Variants in VWA3A observed in about 807,000 individuals in gnomAD.
The protein encoded by VWA3A is von Willebrand factor A domain containing 3A.
A neutral mutation model predicts 160.4 loss-of-function variants in VWA3A; 134 were observed. That is an observed-to-expected ratio of 0.84 (90% CI 0.73 to 0.96). The LOEUF (loss-of-function observed/expected upper bound fraction) is 0.96, where lower values mean the gene tolerates loss of function less well. Ranked by LOEUF, VWA3A falls within the 40% of genes least tolerant of loss-of-function variation. The pLI is 0.00. For synonymous variants in VWA3A, 476 were observed against 543.4 expected (o/e 0.88, Z 1.72); for missense variants, 1,310 against 1,447.9 (o/e 0.90, Z 1.55).
At chr16:22,132,551 A>G (rs2045966631) in intron 19 of VWA3A, among the ~76,000 whole-genome samples, 1 of 152,076 alleles carries the variant, frequency 6.6e-6, no homozygotes, top group Non-Finnish European at 1.5e-5. Flanking sequence ...CTGTCTCTTT[A>G]AAATACATAC....
chr16:22,116,749 T>C lies in VWA3A; in HGVS notation c.816-10T>C. On this transcript the variant is annotated splice_polypyrimidine_tract_variant and intron_variant, in intron 9 of 33. Coordinates refer to ENST00000389398, the MANE Select transcript of VWA3A (RefSeq NM_173615.5). Reference sequence around the variant, plus strand: ...CTGGGATTTCCACTTCTCTTCTGCCTTCTCCACAGCCCAGATCAGCCTTCT... The same window carrying C: ...CTGGGATTTCCACTTCTCTTCTGCCCTCTCCACAGCCCAGATCAGCCTTCT... The C allele has an allele frequency of 4.3e-6, 7 of 1,610,518 alleles. No individual in the cohort carries two copies. Among genetic ancestry groups the C allele is most frequent in the Non-Finnish European group, 5.9e-6 (7 of 1,178,170 alleles).
At chr16:22,110,258 C>T (rs2045534584) in intron 7 of VWA3A, among the ~76,000 whole-genome samples, 1 of 152,206 alleles carries the variant, frequency 6.6e-6, no homozygotes, top group Non-Finnish European at 1.5e-5. Context: ...GAGAAAAAGC[C>T]TCTGCAGCGT....
At chr16:22,149,684 C>T (rs2046313732) in intron 28 of VWA3A, 103 bp from the exon 29 acceptor site, 1 of 1,375,762 alleles carries the variant, frequency 7.3e-7, no homozygotes, top group South Asian at 1.7e-5. Flanking sequence ...CAAGAATAGT[C>T]CTCATGAGGG....
At position 22,118,928 on chromosome 16, in the gene VWA3A, G is replaced by A; in HGVS notation, c.1017G>A (p.Glu339=). The stretch of plus-strand genomic sequence containing the variant: ...ACTACACCAGCCGGGACATGGATGA[G>A]CTCCTGGCAGAAATTCAGAAGGCCC... ...MEHYTSRDMD[E]LLAEIQKAQS... Residue 339 remains glutamate, a synonymous_variant, in exon 12 of 34, where the codon GAG becomes GAA. Transcript: ENST00000389398. 6.2e-7 allele frequency: 1 copy of A among 1,613,900 alleles called. No individual in the cohort carries two copies. The highest frequency in any genetic ancestry group is 8.5e-7 in the Non-Finnish European group (1 of 1,179,856).
chr16:22,148,746 G>C (rs757770838), intron 28 of VWA3A, among the ~76,000 whole-genome samples: 1 of 151,996 alleles, frequency 6.6e-6, no homozygotes, highest in Non-Finnish European at 1.5e-5. Flanking sequence ...ACTCCTGCCT[G>C]GGCAACAGAG....
At chr16:22,116,526 TCA>T (rs1183030938) in intron 9 of VWA3A, among the ~76,000 whole-genome samples, 2 of 151,988 alleles carry the variant, frequency 1.3e-5, no homozygotes, top group Non-Finnish European at 2.9e-5. Flanking sequence ...CAATGACTCT[TCA>T]CACACACACG....
Position 22,155,191 on chromosome 16 carries a change from C to T in VWA3A, c.3406-376C>T, listed in dbSNP as rs560258253. On this transcript the variant is annotated intron_variant, in intron 31 of 33. Coordinates refer to ENST00000389398, the MANE Select transcript of VWA3A (RefSeq NM_173615.5). ...AATAAAAAGCATACCTGTAAGTCTACTTCACTAGAAGAAATGCAAAAAATG... is the reference window on the plus strand; with the variant it reads ...AATAAAAAGCATACCTGTAAGTCTATTTCACTAGAAGAAATGCAAAAAATG... Among the ~76,000 whole-genome samples the T allele has an allele frequency of 6.6e-5, 10 of 152,116 alleles. No homozygotes were observed. In the South Asian group the frequency reaches 2.1e-3, roughly 32 times the overall value.
Position 22,140,190 on chromosome 16 carries a change from C to T in VWA3A, c.2329C>T (p.Pro777Ser), listed in dbSNP as rs1031987490. 5.0e-6 allele frequency: 8 copies of T among 1,613,712 alleles called. 1 individual carries two copies. Among genetic ancestry groups the T allele is most frequent in the Middle Eastern group, 1.6e-4 (1 of 6,062 alleles). The change falls in exon 23 of 34, where the codon CCG becomes TCG. Residue 777 changes from proline to serine, a missense_variant. Coordinates refer to ENST00000389398, the MANE Select transcript of VWA3A (RefSeq NM_173615.5). ...KDDPDREKSPPLKSLKWRPLS... is the reference protein window; with the variant it reads ...KDDPDREKSPSLKSLKWRPLS... ...TGACCCTGACAGAGAGAAGAGCCCC[C>T]CGCTGAAATCTCTGAAATGGCGTCC...
chr16:22,148,706 G>A (rs1166587694), intron 28 of VWA3A, among the ~76,000 whole-genome samples: 1 of 152,150 alleles, frequency 6.6e-6, no homozygotes, highest in Non-Finnish European at 1.5e-5. Flanking sequence ...AGGAGGTTGA[G>A]GCTGCAGTGA....
At position 22,156,655 on chromosome 16, in the gene VWA3A, T is replaced by G. The variant is rs1224791668; in HGVS notation, c.*638T>G. The G allele has an allele frequency of 1.3e-5, 2 of 152,176 alleles. No homozygotes were observed. The highest frequency in any genetic ancestry group is 4.8e-5 in the African/African-American group (2 of 41,432). The allele number at this position is 152,176 out of a possible 1,614,324, so 9.4% of individuals were successfully genotyped here. A position where few individuals can be genotyped will look rare whatever the true frequency, so the allele number is the denominator to read the frequency against. On this transcript the variant is annotated 3_prime_UTR_variant, in exon 34 of 34. Coordinates refer to ENST00000389398, the MANE Select transcript of VWA3A (RefSeq NM_173615.5). ...TGAGAGCCTAGCTCTGGAAAGCAGC[T>G]GATGGGGTGGTCTCCACCCTGGTTC...
intron 26 of VWA3A, 23 bp downstream of exon 26, chr16:22,144,407 G>A (rs779506192): frequency 7.3e-5 from 118 of 1,609,620 alleles, no homozygotes; most frequent in Admixed American, 1.0e-4. Flanking sequence ...TTTCATCATC[G>A]TCTTTTTTTT....
rs1464403558 is a variant in VWA3A at position 22,121,585 on chromosome 16, C to T, written c.1324C>T (p.Leu442Phe). ...TCCTGTGGAGGAATTTGTACCTATT[C>T]TCCAGAAAACAGTATCATCGACCAT... ...FSPVEEFVPI[L>F]QKTVSSTIHE... is the part of the protein sequence containing the mutation. The change falls in exon 14 of 34, where the codon CTC (leucine) becomes TTC (phenylalanine). Residue 442 changes from leucine (L) to phenylalanine (F), a missense_variant. Physicochemically the swap from Leu to Phe is conservative, Grantham distance 22 (BLOSUM62 0). Coordinates refer to ENST00000389398, the MANE Select transcript of VWA3A (RefSeq NM_173615.5). 6.2e-7 allele frequency: 1 copy of T among 1,613,416 alleles called. No individual in the cohort carries two copies. The highest frequency in any genetic ancestry group is 2.2e-5 in the East Asian group (1 of 44,870).
chr16:22,144,882 C>T (rs982536751), intron 26 of VWA3A, among the ~76,000 whole-genome samples: 1 of 152,038 alleles, frequency 6.6e-6, no homozygotes, highest in Non-Finnish European at 1.5e-5. Context: ...CCACTGCACT[C>T]CAGCCTGGGC....
intron 4 of VWA3A, 23 bp from the exon 5 acceptor site, chr16:22,100,393 C>T (rs1486430060): frequency 8.4e-6 from 13 of 1,551,554 alleles, no homozygotes; most frequent in East Asian, 2.4e-5. Context: ...GAGAGATCCC[C>T]TCATAAGGCT....
At chr16:22,094,125 C>T (rs919880935) in intron 1 of VWA3A, among the ~76,000 whole-genome samples, 1 of 152,022 alleles carries the variant, frequency 6.6e-6, no homozygotes, top group Non-Finnish European at 1.5e-5. Context: ...TGCAGTTCAA[C>T]CCCTTCTCCA....
At chr16:22,097,735 A>G (rs1462868888) in intron 3 of VWA3A, 40 bp downstream of exon 3, 18 of 1,549,244 alleles carry the variant, frequency 1.2e-5, no homozygotes, top group East Asian at 4.9e-5. Flanking sequence ...TGATACTACA[A>G]ATCATTCAGA....
intron 27 of VWA3A, chr16:22,147,698 C>T: frequency 1.4e-6 from 1 of 701,476 alleles, no homozygotes; most frequent in Non-Finnish European, 2.6e-6. Flanking sequence ...AGCCTCTCTC[C>T]ACCCTCGGTT....
chr16:22,154,323 C>CTTTTTTTTTT (rs988862954), intron 31 of VWA3A, among the ~76,000 whole-genome samples: 6 of 73,906 alleles, frequency 8.1e-5, no homozygotes, highest in Admixed American at 1.6e-4. Flanking sequence ...TTTTCTTTTT[C>CTTTTTTTTTT]TTTTTTTTTT....
intron 3 of VWA3A, 101 bp from the exon 4 acceptor site, chr16:22,100,093 G>A (rs2045383922): frequency 7.4e-7 from 1 of 1,359,562 alleles, no homozygotes; most frequent in Non-Finnish European, 9.8e-7. Context: ...AAAAAAGATA[G>A]GGTCAGTCTG....
Sources: gnomAD v4.1 joint callset for allele counts (sites outside exome capture counted in the v4.1 genomes callset) on GRCh38, gnomAD v4.1.1 for gene constraint, MANE v1.5 for transcripts, NCBI Gene and HGNC (gene_info 2026-07-23, HGNC 2026-07-21) for gene names.